TMPRSS11A: variants seen among roughly 807,000 people sequenced by gnomAD.
TMPRSS11A encodes transmembrane protease serine 11A.
In TMPRSS11A, 53 loss-of-function variants were observed where a neutral mutation model predicts 58.9. That is an observed-to-expected ratio of 0.90 (90% CI 0.72 to 1.13). The LOEUF (loss-of-function observed/expected upper bound fraction) is 1.13. Among genes scored for constraint, TMPRSS11A ranks in the 50% most tolerant of loss-of-function variants. The pLI, the probability that TMPRSS11A is intolerant of heterozygous loss-of-function variation, is 0.00. For missense variants in TMPRSS11A, 493 were observed against 499.3 expected, an observed-to-expected ratio of 0.99 and a Z score of 0.12; for synonymous variants, 167 against 169.8, an observed-to-expected ratio of 0.98 and a Z score of 0.13.
intron 1 of TMPRSS11A, among the ~76,000 whole-genome samples, chr4:67,957,814 G>T (rs890669333): frequency 2.0e-5 from 3 of 152,056 alleles, no homozygotes; most frequent in Admixed American, 6.6e-5. Flanking sequence ...CCCATCACAG[G>T]CCTGGAGACC....
intron 1 of TMPRSS11A, among the ~76,000 whole-genome samples, chr4:67,952,306 TG>T (rs1398164992): frequency 6.6e-6 from 1 of 152,236 alleles, no homozygotes; most frequent in Non-Finnish European, 1.5e-5. Flanking sequence ...TTCTCTGTTA[TG>T]TCAAACTGCC....
intron 1 of TMPRSS11A, among the ~76,000 whole-genome samples, chr4:67,957,739 TG>T (rs1721321044): frequency 6.6e-6 from 1 of 152,146 alleles, no homozygotes; most frequent in Non-Finnish European, 1.5e-5. Flanking sequence ...AGGAGCTGAA[TG>T]TTAATCACCA....
At chr4:67,930,540 G>T (rs1312045386) in intron 4 of TMPRSS11A, among the ~76,000 whole-genome samples, 1 of 151,856 alleles carries the variant, frequency 6.6e-6, no homozygotes, top group African/African-American at 2.4e-5. Context: ...CATTCCATAA[G>T]GCTTAGGTCT....
Position 67,914,705 on chromosome 4 carries a change from T to G in TMPRSS11A, c.978A>C (p.Glu326Asp). Residue 326 changes from glutamate to aspartate, a missense_variant, in exon 9 of 10, where the codon GAA becomes GAC. By Grantham distance (45) the Glu-to-Asp change is conservative. Coordinates refer to ENST00000508048, the MANE Select transcript of TMPRSS11A (RefSeq NM_001114387.2). ...CATCACTTATGATTTTCACTCTGGC[T>G]TCTCGGAGATCATTTTGGGATTCCC... Reference protein sequence around the residue: ...YGGESQNDLREARVKIISDDV... With the variant: ...YGGESQNDLRDARVKIISDDV... 1 of 1,613,054 alleles carries G rather than the reference T, an allele frequency of 6.2e-7. No individual in the cohort carries two copies. Among genetic ancestry groups the G allele is most frequent in the Non-Finnish European group, 8.5e-7 (1 of 1,179,462 alleles).
chr4:67,942,573 T>C (rs754715267), intron 3 of TMPRSS11A, among the ~76,000 whole-genome samples: 1 of 152,214 alleles, frequency 6.6e-6, no homozygotes, highest in Non-Finnish European at 1.5e-5. Context: ...AGCCTAAACA[T>C]ACTAAGACAC....
chr4:67,959,507 A>T (rs1210243778), intron 1 of TMPRSS11A, among the ~76,000 whole-genome samples: 3 of 152,210 alleles, frequency 2.0e-5, no homozygotes, highest in African/African-American at 7.2e-5. Context: ...ACAAACAAAA[A>T]ACAAATAACC....
chr4:67,958,793 G>T (rs1721352601), intron 1 of TMPRSS11A, among the ~76,000 whole-genome samples: 1 of 152,142 alleles, frequency 6.6e-6, no homozygotes, highest in Admixed American at 6.5e-5. Flanking sequence ...ATCTCATCTT[G>T]AACTGTAGCT....
At chr4:67,928,672 G>C (rs1294137278) in intron 5 of TMPRSS11A, among the ~76,000 whole-genome samples, 5 of 152,206 alleles carry the variant, frequency 3.3e-5, no homozygotes, top group African/African-American at 9.6e-5. Context: ...GGCTGGGAGA[G>C]GTCCTCAGCT....
intron 3 of TMPRSS11A, among the ~76,000 whole-genome samples, chr4:67,937,852 C>T (rs1720790436): frequency 1.3e-5 from 2 of 151,974 alleles, no homozygotes; most frequent in South Asian, 4.2e-4. Context: ...ATTGTGAATA[C>T]TGTGGTAATT....
intron 3 of TMPRSS11A, among the ~76,000 whole-genome samples, chr4:67,936,390 A>G (rs1720754457): frequency 6.8e-6 from 1 of 147,466 alleles, no homozygotes; most frequent in Non-Finnish European, 1.5e-5. Flanking sequence ...TCAAGCCTGG[A>G]TAGAGCTTAG....
intron 8 of TMPRSS11A, among the ~76,000 whole-genome samples, chr4:67,917,268 T>C (rs1720184086): frequency 6.6e-6 from 1 of 152,128 alleles, no homozygotes; most frequent in African/African-American, 2.4e-5. Context: ...TTTCCCTTTC[T>C]ACACTATTTT....
At chr4:67,936,334 G>GTT (rs33950733) in intron 3 of TMPRSS11A, among the ~76,000 whole-genome samples, 70,986 of 142,722 alleles carry the variant, frequency 0.5, 18,131 homozygotes, top group Non-Finnish European at 0.55. Flanking sequence ...AACTCTAGGT[G>GTT]TTTTTTTTTT....
intron 1 of TMPRSS11A, among the ~76,000 whole-genome samples, chr4:67,961,482 C>CTTTTTTT (rs1721418705): frequency 7.8e-5 from 8 of 102,454 alleles, no homozygotes; most frequent in African/African-American, 3.3e-4. Context: ...CTTTTCTTTT[C>CTTTTTTT]CTTTTTTTTT....
chr4:67,946,396 G>A, intron 2 of TMPRSS11A, 54 bp downstream of exon 2: 3 of 1,530,264 alleles, frequency 2.0e-6, no homozygotes, highest in Non-Finnish European at 2.6e-6. Flanking sequence ...ATATGTAAAT[G>A]GAGCTTTGCA....
chr4:67,944,487 T>C (rs768696132), intron 3 of TMPRSS11A, 32 bp downstream of exon 3: 1 of 1,596,876 alleles, frequency 6.3e-7, no homozygotes, highest in Middle Eastern at 1.7e-4. Flanking sequence ...ACTTGCATTA[T>C]TCTATGATAA....
intron 1 of TMPRSS11A, among the ~76,000 whole-genome samples, chr4:67,958,524 T>A (rs1721344499): frequency 6.6e-6 from 1 of 152,224 alleles, no homozygotes; most frequent in Non-Finnish European, 1.5e-5. Flanking sequence ...TTTCTCTGAT[T>A]TGGAATGGGT....
At chr4:67,923,159 T>C (rs1720377389) in intron 6 of TMPRSS11A, among the ~76,000 whole-genome samples, 1 of 152,168 alleles carries the variant, frequency 6.6e-6, no homozygotes, top group Admixed American at 6.5e-5. Flanking sequence ...ACTATGCACT[T>C]CCTCTGTCAT....
Position 67,922,718 on chromosome 4 carries a change from A to C in TMPRSS11A, c.692+37T>G, listed in dbSNP as rs1720361038. 2.5e-6 allele frequency: 4 copies of C among 1,572,158 alleles called. No homozygotes were observed. The South Asian group carries it at 3.5e-5, about 14-fold the overall frequency. ...AATATGACAAAACTCAGGGCTTTTT[A>C]GCAGAAGTGGGTTCTAACTTAAGGT... On this transcript the variant is annotated intron_variant, in intron 7 of 9. Transcript: ENST00000508048.
intron 5 of TMPRSS11A, among the ~76,000 whole-genome samples, chr4:67,928,159 C>T (rs898827555): frequency 6.6e-6 from 1 of 152,214 alleles, no homozygotes; most frequent in African/African-American, 2.4e-5. Context: ...ATTCTTCCCC[C>T]TCAGTCTCCC....
Sources: gnomAD v4.1 joint callset for allele counts (sites outside exome capture counted in the v4.1 genomes callset) on GRCh38, gnomAD v4.1.1 for gene constraint, MANE v1.5 for transcripts, NCBI Gene and HGNC (gene_info 2026-07-23, HGNC 2026-07-21) for gene names.